OLA1: variants seen among roughly 807,000 people sequenced by gnomAD.
OLA1 encodes the protein Obg like ATPase 1.
A neutral mutation model predicts 48.4 loss-of-function variants in OLA1; 14 were observed. The ratio of observed to expected loss-of-function variants is 0.29; its 90% CI spans 0.19 to 0.45. OLA1 has a LOEUF of 0.45. OLA1 is among the 20% of genes least tolerant of loss of function. The pLI, the probability that OLA1 is intolerant of heterozygous loss-of-function variation, is 1.00. For missense variants in OLA1, 325 were observed against 467.1 expected (o/e 0.70, Z 2.80); for synonymous variants, 127 against 150.4 (o/e 0.84, Z 1.14).
intron 4 of OLA1, among the ~76,000 whole-genome samples, chr2:174,203,121 G>A (rs1309556830): frequency 1.3e-5 from 2 of 151,912 alleles, no homozygotes; most frequent in Non-Finnish European, 2.9e-5. Flanking sequence ...AAATAGTGAC[G>A]TTTAAAACAT....
At chr2:174,145,474 C>T (rs1686571388) in intron 4 of OLA1, among the ~76,000 whole-genome samples, 2 of 152,236 alleles carry the variant, frequency 1.3e-5, no homozygotes, top group East Asian at 3.9e-4. Context: ...GACTACACTA[C>T]ATTACACTGC....
intron 4 of OLA1, among the ~76,000 whole-genome samples, chr2:174,159,822 C>T (rs1330167562): frequency 6.6e-6 from 1 of 151,778 alleles, no homozygotes; most frequent in Non-Finnish European, 1.5e-5. Flanking sequence ...CAGACTAAAG[C>T]CTTGAGTTAT....
At chr2:174,183,552 T>C (rs933422918) in intron 4 of OLA1, among the ~76,000 whole-genome samples, 3 of 152,250 alleles carry the variant, frequency 2.0e-5, no homozygotes, top group Non-Finnish European at 2.9e-5. Context: ...CTTATCCCTC[T>C]ATCAAATACC....
chr2:174,242,348 G>A (rs1159957344), intron 2 of OLA1, among the ~76,000 whole-genome samples: 1 of 152,192 alleles, frequency 6.6e-6, no homozygotes, highest in African/African-American at 2.4e-5. Flanking sequence ...CAGGGCCTGC[G>A]CTCCTCTGAG....
At chr2:174,075,565 T>TG in intron 10 of OLA1, 38 bp from the exon 11 acceptor site, 1 of 1,267,874 alleles carries the variant, frequency 7.9e-7, no homozygotes, top group Non-Finnish European at 1.2e-6. Context: ...GGTTATTAGT[T>TG]TACAACTAAA....
chr2:174,231,597 T>C (rs995348502), intron 2 of OLA1, among the ~76,000 whole-genome samples: 3 of 152,186 alleles, frequency 2.0e-5, no homozygotes, highest in Non-Finnish European at 2.9e-5. Flanking sequence ...ACATATTATA[T>C]GGTAAAACAT....
intron 10 of OLA1, among the ~76,000 whole-genome samples, chr2:174,076,589 A>G (rs1228247269): frequency 6.6e-6 from 1 of 152,146 alleles, no homozygotes; most frequent in African/African-American, 2.4e-5. Flanking sequence ...TCTGAGGGTA[A>G]AATCAACAAA....
At chr2:174,138,360 A>T (rs1350838620) in intron 5 of OLA1, among the ~76,000 whole-genome samples, 1 of 152,224 alleles carries the variant, frequency 6.6e-6, no homozygotes, top group Non-Finnish European at 1.5e-5. Flanking sequence ...GGAAATGGCC[A>T]GTAGGTGGAG....
At chr2:174,140,871 A>G (rs763064138) in intron 5 of OLA1, among the ~76,000 whole-genome samples, 1 of 152,104 alleles carries the variant, frequency 6.6e-6, no homozygotes, top group Non-Finnish European at 1.5e-5. Context: ...CTGCTCATTT[A>G]CATACTGTGT....
chr2:174,195,611 GAAC>G (rs1232487494), intron 4 of OLA1, among the ~76,000 whole-genome samples: 1 of 152,068 alleles, frequency 6.6e-6, no homozygotes, highest in Non-Finnish European at 1.5e-5. Flanking sequence ...TTTCTAAAAA[GAAC>G]AAAAAGGTCT....
chr2:174,147,836 AT>A (rs370205323), intron 4 of OLA1, among the ~76,000 whole-genome samples: 3 of 127,772 alleles, frequency 2.3e-5, no homozygotes, highest in Admixed American at 7.8e-5. Flanking sequence ...TTATTTATTT[AT>A]TTTTGAGACA....
chr2:174,080,119 T>C (rs1047168896), intron 9 of OLA1, among the ~76,000 whole-genome samples: 5 of 152,044 alleles, frequency 3.3e-5, no homozygotes, highest in African/African-American at 4.8e-5. Context: ...TAAAAGGACC[T>C]TGGTTAGAAG....
chr2:174,196,412 A>C (rs1687878886), intron 4 of OLA1, among the ~76,000 whole-genome samples: 1 of 152,192 alleles, frequency 6.6e-6, no homozygotes, highest in Admixed American at 6.5e-5. Context: ...AAATACCTTT[A>C]ATATTACAAC....
intron 7 of OLA1, among the ~76,000 whole-genome samples, chr2:174,101,021 A>G (rs1685384765): frequency 6.6e-6 from 1 of 152,202 alleles, no homozygotes; most frequent in Non-Finnish European, 1.5e-5. Context: ...ACATGTTTCT[A>G]TTTCTTTTGA....
chr2:174,096,501 C>T (rs1186405940), intron 7 of OLA1, among the ~76,000 whole-genome samples: 1 of 152,042 alleles, frequency 6.6e-6, no homozygotes, highest in East Asian at 1.9e-4. Flanking sequence ...GCTAATATTC[C>T]CCACATTATG....
intron 7 of OLA1, among the ~76,000 whole-genome samples, chr2:174,114,824 C>T (rs1453865507): frequency 6.6e-6 from 1 of 152,040 alleles, no homozygotes; most frequent in East Asian, 1.9e-4. Flanking sequence ...AACTCTTATT[C>T]CAATGATGCA....
At chr2:174,161,710 A>G (rs1471780627) in intron 4 of OLA1, among the ~76,000 whole-genome samples, 1 of 151,540 alleles carries the variant, frequency 6.6e-6, no homozygotes, top group Non-Finnish European at 1.5e-5. Flanking sequence ...ACACACACAC[A>G]CACACATAGA....
Position 174,075,305 on chromosome 2 carries a change from T to C in OLA1, c.*121A>G. ...AATTTTAAAACAAATAAAAATAATT[T>C]GTTTGTCAAAGATTCCCATCTCCCC... On this transcript the variant is annotated 3_prime_UTR_variant, in exon 11 of 11. Transcript: ENST00000284719. The C allele has an allele frequency of 1.6e-6, 1 of 615,870 alleles. No individual in the cohort carries two copies. Among genetic ancestry groups the C allele is most frequent in the East Asian group, 2.8e-5 (1 of 35,336 alleles). 38.2% of individuals were successfully genotyped at this position (615,870 alleles called of 1,614,324 possible).
intron 4 of OLA1, among the ~76,000 whole-genome samples, chr2:174,144,930 T>TTAAAAAAAA (rs1419953706): frequency 2.4e-5 from 1 of 41,116 alleles, no homozygotes; most frequent in African/African-American, 1.1e-4. Context: ...AGACCCTGTT[T>TTAAAAAAAA]AAAAAAAAAA....
Sources: gnomAD v4.1 joint callset for allele counts (sites outside exome capture counted in the v4.1 genomes callset) on GRCh38, gnomAD v4.1.1 for gene constraint, MANE v1.5 for transcripts, NCBI Gene and HGNC (gene_info 2026-07-23, HGNC 2026-07-21) for gene names.